Variants in PPIL4 observed in about 807,000 individuals in gnomAD.
The protein encoded by PPIL4 is peptidylprolyl isomerase like 4, also known as peptidyl-prolyl cis-trans isomerase-like 4.
Under a neutral mutation model 69.1 loss-of-function variants are expected in PPIL4, and 50 were observed. The ratio of observed to expected loss-of-function variants is 0.72; its 90% CI spans 0.58 to 0.92. The LOEUF (loss-of-function observed/expected upper bound fraction) is 0.92, where lower values mean the gene tolerates loss of function less well. PPIL4 is among the 40% of genes least tolerant of loss of function. The pLI is 0.00. For synonymous variants in PPIL4, 193 were observed against 191.6 expected, an observed-to-expected ratio of 1.01 and a Z score of -0.06; for missense variants, 480 against 587.9, an observed-to-expected ratio of 0.82 and a Z score of 1.90.
chr6:149,544,373 A>G (rs1231223841), intron 1 of PPIL4, among the ~76,000 whole-genome samples: 1 of 152,228 alleles, frequency 6.6e-6, no homozygotes, highest in Non-Finnish European at 1.5e-5. Flanking sequence ...TAACTAATAC[A>G]ACACATTTAT....
intron 7 of PPIL4, among the ~76,000 whole-genome samples, chr6:149,530,575 C>T (rs937383402): frequency 1.8e-4 from 27 of 151,560 alleles, no homozygotes; most frequent in African/African-American, 6.5e-4. Flanking sequence ...AGGAGAATCG[C>T]TTAAACCTGG....
intron 11 of PPIL4, among the ~76,000 whole-genome samples, chr6:149,515,727 A>C (rs1418780477): frequency 1.3e-5 from 2 of 152,100 alleles, no homozygotes; most frequent in African/African-American, 4.8e-5. Flanking sequence ...CTTACCCACT[A>C]TCTTGTACTT....
At chr6:149,543,576 GT>G (rs1397251694) in intron 1 of PPIL4, among the ~76,000 whole-genome samples, 1 of 151,856 alleles carries the variant, frequency 6.6e-6, no homozygotes, top group Non-Finnish European at 1.5e-5. Context: ...CTGTGGTTCT[GT>G]TTTTTTATTC....
Position 149,525,216 on chromosome 6 carries a change from GA to G in PPIL4, c.804-8del, listed in dbSNP as rs560403321. 1.4e-6 allele frequency: 2 copies of G among 1,407,860 alleles called. No individual in the cohort carries two copies. The highest frequency in any genetic ancestry group is 2.6e-5 in the South Asian group (2 of 76,478). The allele number at this position is 1,407,860 out of a possible 1,614,324, so 87.2% of individuals were successfully genotyped here. Reference sequence around the variant, plus strand: ...GTCTCGGATAACTTCACAACTGAAAGAAAGTATTTAAAAGTGACTTAAAAAA... The same window carrying G: ...GTCTCGGATAACTTCACAACTGAAAGAAGTATTTAAAAGTGACTTAAAAAA... On this transcript the variant is annotated splice_polypyrimidine_tract_variant and splice_region_variant and intron_variant, in intron 8 of 12. Coordinates refer to ENST00000253329, the MANE Select transcript of PPIL4 (RefSeq NM_139126.4).
intron 10 of PPIL4, 142 bp downstream of exon 10, chr6:149,520,918 C>CA (rs1157737564): frequency 1.3e-5 from 7 of 554,834 alleles, no homozygotes; most frequent in African/African-American, 2.0e-5. Flanking sequence ...GAGGCTGAGG[C>CA]ATGAGAATGG....
chr6:149,515,521 A>C (rs1298358825), intron 11 of PPIL4, among the ~76,000 whole-genome samples: 1 of 152,144 alleles, frequency 6.6e-6, no homozygotes, highest in Non-Finnish European at 1.5e-5. Flanking sequence ...TATTTGCAAT[A>C]ATTTAGACGT....
intron 4 of PPIL4, among the ~76,000 whole-genome samples, chr6:149,537,284 G>A (rs1417260708): frequency 6.6e-6 from 1 of 152,178 alleles, no homozygotes; most frequent in African/African-American, 2.4e-5. Flanking sequence ...AGCTAGAGAG[G>A]AAAAGTCAAT....
At chr6:149,526,555 G>T in intron 8 of PPIL4, 97 bp downstream of exon 8, 1 of 1,162,494 alleles carries the variant, frequency 8.6e-7, no homozygotes, top group Non-Finnish European at 1.2e-6. Flanking sequence ...TACAAAATTC[G>T]CCTAGAATTC....
At chr6:149,510,008 C>T (rs1776819228) in intron 12 of PPIL4, among the ~76,000 whole-genome samples, 1 of 152,136 alleles carries the variant, frequency 6.6e-6, no homozygotes, top group Non-Finnish European at 1.5e-5. Context: ...GATTCTCCTG[C>T]CTCAGCTTCC....
chr6:149,505,804 G>A, intron 12 of PPIL4, 100 bp from the exon 13 acceptor site: 1 of 1,032,006 alleles, frequency 9.7e-7, no homozygotes, highest in Non-Finnish European at 1.4e-6. Context: ...TTAGAAGGCT[G>A]TTATAACAGC....
rs113215338 is a variant in PPIL4 at position 149,533,353 on chromosome 6, A to G, written c.678+105T>C. 1.5e-5 allele frequency: 10 copies of G among 665,930 alleles called. No homozygotes were observed. The South Asian group carries it at 2.1e-4, about 14-fold the overall frequency. 41.3% of individuals were successfully genotyped at this position (665,930 alleles called of 1,614,324 possible). A position where few individuals can be genotyped will look rare whatever the true frequency, so the allele number is the denominator to read the frequency against. The stretch of plus-strand genomic sequence containing the variant: ...AAATTTAAATCAGAAAAAAATCATA[A>G]CTCAATTTTTAACATTTTAAGACTA... On this transcript the variant is annotated intron_variant, in intron 7 of 12. Coordinates refer to ENST00000253329, the MANE Select transcript of PPIL4 (RefSeq NM_139126.4).
At chr6:149,522,670 T>A (rs1777046593) in intron 9 of PPIL4, among the ~76,000 whole-genome samples, 1 of 152,196 alleles carries the variant, frequency 6.6e-6, no homozygotes, top group African/African-American at 2.4e-5. Context: ...TGGAGTGCAG[T>A]GGTGCGATGC....
intron 7 of PPIL4, among the ~76,000 whole-genome samples, chr6:149,531,786 C>T (rs997224981): frequency 1.3e-5 from 2 of 152,136 alleles, no homozygotes; most frequent in African/African-American, 4.8e-5. Flanking sequence ...TCTCCTGCCT[C>T]AGCCTCCTGA....
At chr6:149,513,299 C>G (rs1172884770) in intron 11 of PPIL4, among the ~76,000 whole-genome samples, 3 of 137,242 alleles carry the variant, frequency 2.2e-5, no homozygotes. Context: ...GCAGGAAAAT[C>G]ATTTGAACCC....
chr6:149,505,253 T>C lies in PPIL4; in HGVS notation c.*200A>G. The C allele has an allele frequency of 2.1e-6, 1 of 476,118 alleles. No individual in the cohort carries two copies. Among genetic ancestry groups the C allele is most frequent in the Middle Eastern group, 5.7e-4 (1 of 1,758 alleles). 29.5% of individuals were successfully genotyped at this position (476,118 alleles called of 1,614,324 possible). ...TACCATTTATGTATAACAATAAAAT[T>C]AGTGTAAAAAAGTATACAAAGAAAA... On this transcript the variant is annotated 3_prime_UTR_variant, in exon 13 of 13. Coordinates refer to ENST00000253329, the MANE Select transcript of PPIL4 (RefSeq NM_139126.4).
chr6:149,516,721 A>G (rs750791286), intron 11 of PPIL4, among the ~76,000 whole-genome samples: 12 of 152,180 alleles, frequency 7.9e-5, no homozygotes, highest in Non-Finnish European at 1.5e-4. Context: ...TTTTAATCCT[A>G]CAAAAGTGAA....
intron 9 of PPIL4, among the ~76,000 whole-genome samples, chr6:149,522,548 G>A (rs1240176182): frequency 3.3e-5 from 5 of 152,156 alleles, no homozygotes; most frequent in Non-Finnish European, 1.5e-5. Flanking sequence ...GAGCTGTGGG[G>A]CAGGACAACT....
intron 7 of PPIL4, 141 bp from the exon 8 acceptor site, chr6:149,526,917 A>G: frequency 1.2e-6 from 1 of 802,924 alleles, no homozygotes; most frequent in East Asian, 2.7e-5. Flanking sequence ...AAATCCAAAT[A>G]AGATTTCAAA....
intron 10 of PPIL4, among the ~76,000 whole-genome samples, chr6:149,520,363 CTTTT>C (rs1777010374): frequency 6.6e-6 from 1 of 151,862 alleles, no homozygotes; most frequent in Admixed American, 6.6e-5. Flanking sequence ...TTCCATGGAC[CTTTT>C]CTATTTTGCA....
Sources: allele counts gnomAD v4.1 joint callset (sites outside exome capture counted in the v4.1 genomes callset), GRCh38; gene constraint gnomAD v4.1.1; transcripts MANE v1.5; gene names NCBI Gene and HGNC (gene_info 2026-07-23, HGNC 2026-07-21).